The following MTMR8 variants were observed in gnomAD, a reference collection of about 807,000 sequenced individuals.
The protein encoded by MTMR8 is phosphatidylinositol-3,5-bisphosphate 3-phosphatase MTMR8.
A neutral mutation model predicts 39.3 loss-of-function variants in MTMR8; 65 were observed. The observed-to-expected ratio is 1.65, with a 90% CI of 1.35 to 2.03. The LOEUF (loss-of-function observed/expected upper bound fraction) is 2.03, where lower values mean the gene tolerates loss of function less well. Ranked by LOEUF, MTMR8 falls within the 30% of genes most tolerant of loss-of-function variation. MTMR8 has a pLI of 0.00. For synonymous variants in MTMR8, 245 were observed against 185.2 expected, an observed-to-expected ratio of 1.32 and a Z score of -2.62; for missense variants, 777 against 538.9, an observed-to-expected ratio of 1.44 and a Z score of -4.37.
rs781350835 is a variant in MTMR8 at position 64,309,942 on chromosome X, G to T, written c.1481+18830C>A. On this transcript the variant is annotated intron_variant, in intron 12 of 13. Coordinates refer to ENST00000374852, the MANE Select transcript of MTMR8 (RefSeq NM_017677.4). Reference sequence around the variant, plus strand: ...TGGTGGGAAGTCTTGCCTCGACGTTGATGGCTGCTGACTGCTCAGGGTACT... The same window carrying T: ...TGGTGGGAAGTCTTGCCTCGACGTTTATGGCTGCTGACTGCTCAGGGTACT... Among the ~76,000 whole-genome samples the T allele has an allele frequency of 3.7e-4, 41 of 111,920 alleles. 1 individual carries two copies. Among genetic ancestry groups the T allele is most frequent in the Non-Finnish European group, 7.3e-4 (39 of 53,218 alleles).
intron 12 of MTMR8, among the ~76,000 whole-genome samples, chrX:64,300,927 G>C (rs1277464021): frequency 4.6e-4 from 51 of 110,195 alleles, no homozygotes; most frequent in Non-Finnish European, 8.5e-4. Flanking sequence ...TGGCTTGTAG[G>C]GTTTCTGCCG....
intron 1 of MTMR8, among the ~76,000 whole-genome samples, chrX:64,370,145 T>A (rs1466517112): frequency 3.6e-5 from 4 of 110,911 alleles, no homozygotes; most frequent in Non-Finnish European, 7.6e-5. Context: ...AGGAGCACAT[T>A]ATGAACTCAA....
chrX:64,386,137 T>G, intron 1 of MTMR8, among the ~76,000 whole-genome samples: 1 of 111,940 alleles, frequency 8.9e-6, no homozygotes, highest in Middle Eastern at 4.7e-3. Context: ...TGTTAACTGA[T>G]TATTTTTATT....
intron 9 of MTMR8, among the ~76,000 whole-genome samples, chrX:64,336,375 G>A (rs1923073384): frequency 9.0e-6 from 1 of 110,600 alleles, no homozygotes; most frequent in Admixed American, 9.6e-5. Context: ...TGTGTGACAA[G>A]CCACTGAGCC....
intron 12 of MTMR8, among the ~76,000 whole-genome samples, chrX:64,296,233 C>A (rs1007260176): frequency 1.8e-5 from 2 of 111,334 alleles, no homozygotes; most frequent in Non-Finnish European, 3.8e-5. Context: ...TATTCTATGA[C>A]TTCACTTACA....
At position 64,348,912 on chromosome X, in the gene MTMR8, C is replaced by A. The variant is rs921127180; in HGVS notation, c.598-118G>T. The A allele has an allele frequency of 2.8e-5, 22 of 785,406 alleles. No homozygotes were observed. In the African/African-American group the frequency reaches 4.4e-4, roughly 16 times the overall value. 64.7% of individuals were successfully genotyped at this position (785,406 alleles called of 1,213,427 possible). On this transcript the variant is annotated intron_variant, in intron 5 of 13. Coordinates refer to ENST00000374852, the MANE Select transcript of MTMR8 (RefSeq NM_017677.4). ...AGGATGAGCCAACTTAAGATAGTGT[C>A]CAAAGCAAAGAGAAATGTGACTCTA...
At chrX:64,300,228 G>T (rs927578913) in intron 12 of MTMR8, among the ~76,000 whole-genome samples, 2 of 109,597 alleles carry the variant, frequency 1.8e-5, no homozygotes, top group African/African-American at 6.6e-5. Flanking sequence ...TCTCTTTGTA[G>T]GTCACTCAGG....
chrX:64,356,579 G>A (rs905487414), intron 2 of MTMR8, among the ~76,000 whole-genome samples: 4 of 110,725 alleles, frequency 3.6e-5, no homozygotes, highest in African/African-American at 1.3e-4. Context: ...TTAAGGATAC[G>A]AGATTACCAA....
intron 12 of MTMR8, among the ~76,000 whole-genome samples, chrX:64,285,284 A>C (rs1474083086): frequency 2.7e-5 from 3 of 111,958 alleles, no homozygotes; most frequent in Non-Finnish European, 5.6e-5. Context: ...TATCCTAAAT[A>C]TATATGCACC....
chrX:64,323,559 G>A (rs1054380920), intron 12 of MTMR8, among the ~76,000 whole-genome samples: 14 of 111,943 alleles, frequency 1.3e-4, no homozygotes, highest in African/African-American at 4.2e-4. Flanking sequence ...AAATCAAATG[G>A]ACCAAGCAAA....
chrX:64,358,530 C>A (rs1319827366), intron 2 of MTMR8, among the ~76,000 whole-genome samples: 1 of 111,154 alleles, frequency 9.0e-6, no homozygotes, highest in African/African-American at 3.3e-5. Flanking sequence ...CTGTATTTTA[C>A]AGAAGAAGGA....
In MTMR8 at chrX:64,395,236, C is replaced by T. The variant is rs1314664690; in HGVS notation, c.24+104G>A. 1.2e-5 allele frequency: 10 copies of T among 864,682 alleles called. No homozygotes were observed. The East Asian group carries it at 2.2e-4, about 19-fold the overall frequency. 71.3% of individuals were successfully genotyped at this position (864,682 alleles called of 1,213,427 possible). A position where few individuals can be genotyped will look rare whatever the true frequency, so the allele number is the denominator to read the frequency against. On this transcript the variant is annotated intron_variant, in intron 1 of 13. Transcript: ENST00000374852. ...AACCCGGGACCCCCCACAGGAAAGA[C>T]GCGTCAAAGAAGGCTGAGAAGGCTG...
intron 1 of MTMR8, among the ~76,000 whole-genome samples, chrX:64,386,209 C>A (rs747391084): frequency 8.9e-6 from 1 of 111,830 alleles, no homozygotes; most frequent in African/African-American, 3.2e-5. Context: ...CCAGTGGGAA[C>A]GCTCATTCTA....
rs1209006743 is a variant in MTMR8 at position 64,318,708 on chromosome X, G to GTTTTTTTTT, written c.1481+10055_1481+10063dup. The stretch of plus-strand genomic sequence containing the variant: ...TTTGTTTGGTTTGGTTTGGTTTTTT[G>GTTTTTTTTT]TTTTTTTTTTTTTTTTTGAGATGGA... On this transcript the variant is annotated intron_variant, in intron 12 of 13. Transcript: ENST00000374852. Among the ~76,000 whole-genome samples the GTTTTTTTTT allele has an allele frequency of 9.7e-5, 8 of 82,377 alleles. 1 individual carries two copies. Among genetic ancestry groups the GTTTTTTTTT allele is most frequent in the African/African-American group, 1.8e-4 (4 of 22,218 alleles). 71.5% of individuals were successfully genotyped at this position (82,377 alleles called of 115,157 possible).
At chrX:64,275,901 A>C (rs1281717330) in intron 12 of MTMR8, among the ~76,000 whole-genome samples, 1 of 111,505 alleles carries the variant, frequency 9.0e-6, no homozygotes, top group Non-Finnish European at 1.9e-5. Flanking sequence ...CAACCTACCA[A>C]GACTAAATCA....
intron 12 of MTMR8, among the ~76,000 whole-genome samples, chrX:64,304,714 A>G (rs1258151944): frequency 9.5e-6 from 1 of 105,347 alleles, no homozygotes; most frequent in African/African-American, 3.4e-5. Flanking sequence ...TTTTCATTAC[A>G]TTTTGCCACT....
At chrX:64,271,214 G>T in intron 12 of MTMR8, 141 bp from the exon 13 acceptor site, 1 of 560,410 alleles carries the variant, frequency 1.8e-6, no homozygotes, top group Admixed American at 5.2e-5. Flanking sequence ...ACATTAAAAA[G>T]CCTGGACATG....
chrX:64,395,156 A>C (rs190941591), intron 1 of MTMR8, among the ~76,000 whole-genome samples, 184 bp downstream of exon 1: 41 of 111,405 alleles, frequency 3.7e-4, no homozygotes, highest in African/African-American at 1.3e-3. Context: ...TGACGCCCGC[A>C]AGCAGATCCT....
chrX:64,312,221 C>T (rs900927742), intron 12 of MTMR8, among the ~76,000 whole-genome samples: 2 of 111,623 alleles, frequency 1.8e-5, no homozygotes, highest in African/African-American at 6.5e-5. Context: ...TCCTTCACAT[C>T]CCTTGTAAGC....
Sources: allele counts gnomAD v4.1 joint callset (sites outside exome capture counted in the v4.1 genomes callset), GRCh38; gene constraint gnomAD v4.1.1; transcripts MANE v1.5; gene names NCBI Gene and HGNC (gene_info 2026-07-23, HGNC 2026-07-21).